The following ZNF678 variants were observed in gnomAD, a reference collection of about 807,000 sequenced individuals.
The protein encoded by ZNF678 is hypothetical protein MGC42493.
Under a neutral mutation model 3.0 loss-of-function variants are expected in ZNF678, and 5 were observed. The observed-to-expected ratio is 1.69, with a 90% CI of 0.88 to 3.56. The LOEUF is 3.56. Among genes scored for constraint, ZNF678 ranks in the 30% most tolerant of loss-of-function variants. The pLI is 0.00. For synonymous variants in ZNF678, 218 were observed against 199.6 expected (o/e 1.09, Z -0.78); for missense variants, 593 against 605.0 (o/e 0.98, Z 0.21).
chr1:227,639,708 T>C (rs538741134), intron 1 of ZNF678, among the ~76,000 whole-genome samples: 1 of 152,282 alleles, frequency 6.6e-6, no homozygotes, highest in African/African-American at 2.4e-5. Context: ...GGGGTCCTGG[T>C]TGGGGACTGC....
In ZNF678 at chr1:227,657,332, TA is replaced by T. The variant is rs1571920477; in HGVS notation, c.*1505del. 1 of 152,016 alleles carries T rather than the reference TA, an allele frequency of 6.6e-6. No individual in the cohort carries two copies. Among genetic ancestry groups the T allele is most frequent in the East Asian group, 1.9e-4 (1 of 5,200 alleles). 9.4% of individuals were successfully genotyped at this position (152,016 alleles called of 1,614,324 possible). A position where few individuals can be genotyped will look rare whatever the true frequency, so the allele number is the denominator to read the frequency against. ...TAAGCAGATGTTGATGTCATGCTTG[TA>T]TAGCCAACAGAACTGAGGCTAATAA... is the stretch of plus-strand genomic sequence containing the variant. On this transcript the variant is annotated 3_prime_UTR_variant, in exon 4 of 4. Coordinates refer to ENST00000343776, the MANE Select transcript of ZNF678 (RefSeq NM_001367909.1).
chr1:227,624,448 A>G (rs991186787), intron 1 of ZNF678, among the ~76,000 whole-genome samples: 5 of 152,206 alleles, frequency 3.3e-5, no homozygotes, highest in African/African-American at 1.2e-4. Context: ...TCTTGATTCA[A>G]GCATTGCCAC....
downstream of ZNF678, among the ~76,000 whole-genome samples, chr1:227,664,953 G>A (rs1659478005): frequency 6.6e-6 from 1 of 152,164 alleles, no homozygotes; most frequent in Admixed American, 6.5e-5. Context: ...CAGGTTTGTG[G>A]TGACACAGCT....
chr1:227,599,138 TA>T, intron 1 of ZNF678: 1 of 1,376,018 alleles, frequency 7.3e-7, no homozygotes, highest in Non-Finnish European at 1.0e-6. Flanking sequence ...GGCCAGGATG[TA>T]GAACATATTC....
chr1:227,630,675 C>T (rs1339465758), intron 1 of ZNF678, among the ~76,000 whole-genome samples: 3 of 152,174 alleles, frequency 2.0e-5, no homozygotes, highest in Admixed American at 2.0e-4. Flanking sequence ...TTCTCCTCCT[C>T]CCACTGCTTG....
At chr1:227,569,364 T>A (rs1656778084) in intron 1 of ZNF678, among the ~76,000 whole-genome samples, 1 of 152,252 alleles carries the variant, frequency 6.6e-6, no homozygotes, top group Admixed American at 6.5e-5. Flanking sequence ...TAAATAAATT[T>A]GAATCATTCT....
intron 1 of ZNF678, among the ~76,000 whole-genome samples, chr1:227,623,807 T>G (rs1419285575): frequency 1.3e-5 from 2 of 152,214 alleles, no homozygotes; most frequent in Admixed American, 1.3e-4. Context: ...AGAGCTTTTA[T>G]TCTCCGTGGA....
intron 1 of ZNF678, among the ~76,000 whole-genome samples, chr1:227,569,054 C>T (rs1456725959): frequency 1.3e-5 from 2 of 152,182 alleles, no homozygotes; most frequent in Non-Finnish European, 2.9e-5. Flanking sequence ...TGCTGGAGTG[C>T]AATCATAGCT....
intron 1 of ZNF678, among the ~76,000 whole-genome samples, chr1:227,626,798 A>C (rs1304538790): frequency 1.3e-5 from 2 of 151,886 alleles, no homozygotes; most frequent in Non-Finnish European, 2.9e-5. Context: ...GTGATATTGT[A>C]TGTCTAATGT....
At chr1:227,619,050 C>T (rs1658210100) in intron 1 of ZNF678, among the ~76,000 whole-genome samples, 1 of 152,076 alleles carries the variant, frequency 6.6e-6, no homozygotes. Context: ...CTCATGAGAA[C>T]TCACTCACCA....
At chr1:227,605,486 A>C (rs1172562700) in intron 1 of ZNF678, among the ~76,000 whole-genome samples, 1 of 152,220 alleles carries the variant, frequency 6.6e-6, no homozygotes, top group Non-Finnish European at 1.5e-5. Flanking sequence ...AGATGTGGCA[A>C]AAGTGAATAT....
At chr1:227,630,997 G>T (rs1003710113) in intron 1 of ZNF678, among the ~76,000 whole-genome samples, 9 of 75,674 alleles carry the variant, frequency 1.2e-4, no homozygotes, top group African/African-American at 1.0e-3. Context: ...AGGAGGCCAG[G>T]TTTCTCCCCT....
At chr1:227,673,285 T>C (rs552112069) in intron 5 of ZNF678, among the ~76,000 whole-genome samples, 1 of 152,332 alleles carries the variant, frequency 6.6e-6, no homozygotes, top group Admixed American at 6.5e-5. Flanking sequence ...ACCTGACCTT[T>C]TTGCTACACT....
intron 1 of ZNF678, among the ~76,000 whole-genome samples, chr1:227,642,375 T>TCA (rs1305544937): frequency 2.6e-5 from 4 of 152,208 alleles, no homozygotes; most frequent in Non-Finnish European, 2.9e-5. Flanking sequence ...AAGCCTACCT[T>TCA]CAGCAGGACC....
chr1:227,572,652 G>C (rs1411519575), intron 1 of ZNF678, among the ~76,000 whole-genome samples: 1 of 152,164 alleles, frequency 6.6e-6, no homozygotes, highest in Non-Finnish European at 1.5e-5. Context: ...TGTAAATAGA[G>C]AGCTCAGCTA....
At chr1:227,583,733 A>G in intron 1 of ZNF678, among the ~76,000 whole-genome samples, 1 of 152,216 alleles carries the variant, frequency 6.6e-6, no homozygotes, top group Non-Finnish European at 1.5e-5. Flanking sequence ...CAAGCAGTAC[A>G]TAATTTTCCC....
chr1:227,648,377 G>A (rs1256673092), intron 2 of ZNF678, among the ~76,000 whole-genome samples: 1 of 152,040 alleles, frequency 6.6e-6, no homozygotes, highest in African/African-American at 2.4e-5. Context: ...AATTATGTAT[G>A]TCCAACATAA....
chr1:227,665,975 G>A (rs1156821345), downstream of ZNF678, among the ~76,000 whole-genome samples: 1 of 151,942 alleles, frequency 6.6e-6, no homozygotes. Flanking sequence ...ATGTTTTAAT[G>A]ATTTTTCCTG....
intron 1 of ZNF678, among the ~76,000 whole-genome samples, chr1:227,585,077 G>C (rs1028464152): frequency 6.6e-6 from 1 of 152,158 alleles, no homozygotes; most frequent in African/African-American, 2.4e-5. Context: ...ATAAAGAAGA[G>C]ACAAATTTTT....
Sources: allele counts gnomAD v4.1 joint callset (sites outside exome capture counted in the v4.1 genomes callset), GRCh38; gene constraint gnomAD v4.1.1; transcripts MANE v1.5; gene names NCBI Gene and HGNC (gene_info 2026-07-23, HGNC 2026-07-21).